The following ZNF362 variants were observed in gnomAD, a reference collection of about 807,000 sequenced individuals.
The protein encoded by ZNF362 is zinc finger protein 362.
Under a neutral mutation model 42.9 loss-of-function variants are expected in ZNF362, and 11 were observed. The ratio of observed to expected loss-of-function variants is 0.26; its 90% confidence interval spans 0.16 to 0.42. The LOEUF (loss-of-function observed/expected upper bound fraction) is 0.42, where lower values mean the gene tolerates loss of function less well. ZNF362 is among the 20% of genes least tolerant of loss of function. The pLI, the probability that ZNF362 is intolerant of heterozygous loss-of-function variation, is 1.00. For synonymous variants in ZNF362, 255 were observed against 257.3 expected (o/e 0.99, Z 0.09); for missense variants, 362 against 576.2 (o/e 0.63, Z 3.81).
At chr1:33,176,131 C>A in the ZNF362 span, among the ~76,000 whole-genome samples, 1 of 152,214 alleles carries the variant, frequency 6.6e-6, no homozygotes, top group African/African-American at 2.4e-5. Flanking sequence ...ACAGCAGAGC[C>A]ACTTCCCCAC....
chr1:33,293,058 A>T (rs1557799718), intron 6 of ZNF362, among the ~76,000 whole-genome samples: 3 of 152,290 alleles, frequency 2.0e-5, no homozygotes, highest in Non-Finnish European at 2.9e-5. Flanking sequence ...TTCCCCATCT[A>T]GCAGGGGAGA....
chr1:33,285,435 T>C (rs1646025270), intron 6 of ZNF362, among the ~76,000 whole-genome samples: 1 of 152,026 alleles, frequency 6.6e-6, no homozygotes, highest in Non-Finnish European at 1.5e-5. Flanking sequence ...AAAAATGTTA[T>C]TGGCAGCAAG....
the ZNF362 span, among the ~76,000 whole-genome samples, chr1:33,249,844 T>C: frequency 1.3e-5 from 2 of 152,162 alleles, no homozygotes; most frequent in Non-Finnish European, 2.9e-5. Flanking sequence ...AACCCACACG[T>C]TCTCTTTTAA....
At chr1:33,174,837 G>C in the ZNF362 span, among the ~76,000 whole-genome samples, 13 of 151,230 alleles carry the variant, frequency 8.6e-5, no homozygotes, top group Non-Finnish European at 1.8e-4. Context: ...TCTCTCCTGG[G>C]CCCAACACAG....
chr1:33,227,456 T>C, the ZNF362 span, among the ~76,000 whole-genome samples: 3 of 152,144 alleles, frequency 2.0e-5, no homozygotes, highest in Admixed American at 6.5e-5. Context: ...CCAAGCCATA[T>C]ATAAGCCATG....
At chr1:33,257,426 C>CTT (rs921311790) in intron 1 of ZNF362, among the ~76,000 whole-genome samples, 26 of 136,918 alleles carry the variant, frequency 1.9e-4, no homozygotes, top group Admixed American at 4.4e-4. Flanking sequence ...TTCTTTCTTT[C>CTT]TTTTTTTTTT....
the ZNF362 span, among the ~76,000 whole-genome samples, chr1:33,228,045 G>A: frequency 3.1e-4 from 47 of 152,142 alleles, no homozygotes; most frequent in Middle Eastern, 6.8e-3. Context: ...AAATTTGTTG[G>A]GACCTCAGTT....
At chr1:33,296,273 A>T (rs1405219715) in intron 8 of ZNF362, among the ~76,000 whole-genome samples, 1 of 152,144 alleles carries the variant, frequency 6.6e-6, no homozygotes, top group Non-Finnish European at 1.5e-5. Flanking sequence ...TGCCAGTAGC[A>T]ACCGCTCCCC....
the ZNF362 span, among the ~76,000 whole-genome samples, chr1:33,137,296 A>G: frequency 1.3e-5 from 2 of 152,100 alleles, no homozygotes. Flanking sequence ...AGTCATCTTA[A>G]CTCTCTGGAC....
At chr1:33,146,029 T>A in the ZNF362 span, 1 of 406,304 alleles carries the variant, frequency 2.5e-6, no homozygotes, top group Non-Finnish European at 5.1e-6. Context: ...AGAGGGAGCC[T>A]AGTTCTGCAG....
At chr1:33,158,472 A>G in the ZNF362 span, 2 of 840,398 alleles carry the variant, frequency 2.4e-6, no homozygotes, top group Non-Finnish European at 4.0e-6. Context: ...GGATGTGGTC[A>G]TGAGTGAGAA....
chr1:33,273,385 G>A (rs1408696236), intron 2 of ZNF362, among the ~76,000 whole-genome samples: 3 of 152,226 alleles, frequency 2.0e-5, no homozygotes, highest in Non-Finnish European at 4.4e-5. Context: ...GCCTGACCAG[G>A]GGTCTGATAA....
At chr1:33,195,818 A>G in the ZNF362 span, 2 of 152,132 alleles carry the variant, frequency 1.3e-5, no homozygotes, top group Admixed American at 1.3e-4. Context: ...GACTTCATAA[A>G]CACTGTACAC....
At chr1:33,249,842 C>T in the ZNF362 span, among the ~76,000 whole-genome samples, 8 of 152,144 alleles carry the variant, frequency 5.3e-5, no homozygotes, top group Admixed American at 1.3e-4. Context: ...CTAACCCACA[C>T]GTTCTCTTTT....
chr1:33,267,795 T>C (rs1485639737), intron 1 of ZNF362, among the ~76,000 whole-genome samples: 2 of 152,254 alleles, frequency 1.3e-5, no homozygotes, highest in African/African-American at 2.4e-5. Flanking sequence ...TTTTTGCTGC[T>C]GTAAAAAACC....
chr1:33,257,895 T>A (rs1390205614), intron 1 of ZNF362, among the ~76,000 whole-genome samples: 1 of 152,078 alleles, frequency 6.6e-6, no homozygotes, highest in Non-Finnish European at 1.5e-5. Flanking sequence ...CCTTGGACCC[T>A]GAGGCAAGTG....
At chr1:33,258,178 T>C (rs963559927) in intron 1 of ZNF362, among the ~76,000 whole-genome samples, 1 of 152,308 alleles carries the variant, frequency 6.6e-6, no homozygotes, top group Middle Eastern at 3.4e-3. Flanking sequence ...AGAAGCACTT[T>C]GGACTTCGGT....
At chr1:33,201,287 C>G in the ZNF362 span, among the ~76,000 whole-genome samples, 1 of 152,186 alleles carries the variant, frequency 6.6e-6, no homozygotes, top group South Asian at 2.1e-4. Flanking sequence ...TGTCAGCCAA[C>G]TTGATCTAAT....
the ZNF362 span, among the ~76,000 whole-genome samples, chr1:33,155,572 A>G: frequency 6.6e-6 from 1 of 152,190 alleles, no homozygotes; most frequent in Non-Finnish European, 1.5e-5. Context: ...AAGGAAGGGC[A>G]CAGGCTCTGG....
Sources: gnomAD v4.1 joint callset for allele counts (sites outside exome capture counted in the v4.1 genomes callset) on GRCh38, gnomAD v4.1.1 for gene constraint, MANE v1.5 for transcripts, NCBI Gene and HGNC (gene_info 2026-07-23, HGNC 2026-07-21) for gene names.